The following KDM5A variants were observed in gnomAD, a reference collection of about 807,000 sequenced individuals.
KDM5A encodes the protein lysine-specific demethylase 5A.
A neutral mutation model predicts 193.5 loss-of-function variants in KDM5A; 42 were observed. The ratio of observed to expected loss-of-function variants is 0.22; its 90% CI spans 0.17 to 0.28. The LOEUF is 0.28. KDM5A is among the 10% of genes least tolerant of loss of function. KDM5A has a pLI of 1.00. For synonymous variants in KDM5A, 796 were observed against 718.1 expected (o/e 1.11, Z -1.73); for missense variants, 1,692 against 2,055.1 (o/e 0.82, Z 3.42).
At chr12:343,711 T>C (rs1229608743) in intron 10 of KDM5A, among the ~76,000 whole-genome samples, 1 of 152,132 alleles carries the variant, frequency 6.6e-6, no homozygotes, top group Non-Finnish European at 1.5e-5. Flanking sequence ...CAGAAAGGAA[T>C]AGTATCAACA....
chr12:388,476 T>A, intron 1 of KDM5A: 2 of 374,684 alleles, frequency 5.3e-6, no homozygotes, highest in Non-Finnish European at 1.0e-5. Flanking sequence ...AGTAATACCA[T>A]CCGGTGAGAC....
At chr12:349,811 T>C (rs902256739) in intron 10 of KDM5A, among the ~76,000 whole-genome samples, 34 of 152,006 alleles carry the variant, frequency 2.2e-4, no homozygotes, top group Non-Finnish European at 5.0e-4. Context: ...GTGTGAGTCA[T>C]TGCACTCAGC....
chr12:388,161 A>C (rs1944668874), intron 1 of KDM5A: 2 of 383,938 alleles, frequency 5.2e-6, no homozygotes, highest in African/African-American at 2.1e-5. Context: ...AACACCTTTG[A>C]CCTTGAGTAA....
intron 20 of KDM5A, among the ~76,000 whole-genome samples, chr12:311,935 G>A (rs1248506137): frequency 6.6e-6 from 1 of 152,192 alleles, no homozygotes; most frequent in East Asian, 1.9e-4. Flanking sequence ...TTGGGAAGCT[G>A]AGGCAGGAGA....
At chr12:368,281 T>C (rs531432624) in intron 3 of KDM5A, among the ~76,000 whole-genome samples, 5 of 152,188 alleles carry the variant, frequency 3.3e-5, no homozygotes, top group East Asian at 1.9e-4. Context: ...TGGAACTATA[T>C]AGTGGTGATA....
intron 24 of KDM5A, among the ~76,000 whole-genome samples, chr12:298,056 T>C (rs758378084): frequency 2.5e-4 from 38 of 152,176 alleles, no homozygotes; most frequent in Non-Finnish European, 4.9e-4. Flanking sequence ...CAGGGACTTA[T>C]AGATAAAACC....
chr12:388,186 G>A (rs1944669753), intron 1 of KDM5A: 1 of 419,038 alleles, frequency 2.4e-6, no homozygotes, highest in African/African-American at 2.1e-5. Flanking sequence ...TCAACCTCTT[G>A]GGGCATTAAT....
intron 3 of KDM5A, among the ~76,000 whole-genome samples, chr12:374,558 A>G (rs965114475): frequency 9.2e-5 from 14 of 152,186 alleles, no homozygotes; most frequent in Non-Finnish European, 1.8e-4. Context: ...TAACTGGAGC[A>G]TTTAGCCCAT....
rs1480483254 is a variant in KDM5A at position 385,812 on chromosome 12, G to A, written c.243+85C>T. On this transcript the variant is annotated intron_variant, in intron 2 of 27. Transcript: ENST00000399788. ...CCAATTAACACAAACTCTAGGCTGT[G>A]GTACATGAGCTTCTCAAAGTTCTCT... The A allele has an allele frequency of 3.2e-6, 3 of 948,642 alleles. No homozygotes were observed. In the African/African-American group the frequency reaches 4.8e-5, roughly 15 times the overall value. 58.8% of individuals were successfully genotyped at this position (948,642 alleles called of 1,614,324 possible).
At chr12:316,429 G>C (rs1943651396) in intron 19 of KDM5A, among the ~76,000 whole-genome samples, 1 of 151,992 alleles carries the variant, frequency 6.6e-6, no homozygotes, top group East Asian at 1.9e-4. Flanking sequence ...CAAATATCAA[G>C]GTAAAATATA....
At chr12:330,222 T>TG (rs1943849312) in intron 13 of KDM5A, among the ~76,000 whole-genome samples, 1 of 152,016 alleles carries the variant, frequency 6.6e-6, no homozygotes, top group African/African-American at 2.4e-5. Flanking sequence ...AATCATACTG[T>TG]GGGATTTGCA....
At chr12:345,249 G>A (rs11062512) in intron 10 of KDM5A, among the ~76,000 whole-genome samples, 44,960 of 151,934 alleles carry the variant, frequency 0.3, 6,860 homozygotes, top group East Asian at 0.51. Context: ...CCCAATACAG[G>A]AGCACCCAGA....
At chr12:375,537 G>A (rs1170589751) in intron 3 of KDM5A, among the ~76,000 whole-genome samples, 4 of 152,098 alleles carry the variant, frequency 2.6e-5, no homozygotes, top group Admixed American at 1.3e-4. Context: ...CCTTTAGCTC[G>A]GAGAAGTCTG....
rs147730101 is a variant in KDM5A, at chr12:335,679, G to A, written c.1309-1257C>T. On this transcript the variant is annotated intron_variant, in intron 10 of 27. Coordinates refer to ENST00000399788, the MANE Select transcript of KDM5A (RefSeq NM_001042603.3). The stretch of plus-strand genomic sequence containing the variant: ...GCTAAAGAGAATTTGTGAACTAGAA[G>A]ACATGTTTGAGGAGATTATCTATAA... Among the ~76,000 whole-genome samples the A allele has an allele frequency of 7.4e-3, 1,130 of 152,258 alleles. 8 individuals are homozygous for A. The highest frequency in any genetic ancestry group is 0.025 in the African/African-American group (1,043 of 41,522).
At chr12:380,534 G>C (rs1164257877) in intron 3 of KDM5A, among the ~76,000 whole-genome samples, 9 of 151,990 alleles carry the variant, frequency 5.9e-5, no homozygotes, top group Admixed American at 5.9e-4. Flanking sequence ...TGGCCAACAT[G>C]GTAAAAACCC....
At chr12:334,176 C>A in intron 11 of KDM5A, 65 bp downstream of exon 11, 1 of 1,405,022 alleles carries the variant, frequency 7.1e-7, no homozygotes, top group Non-Finnish European at 1.0e-6. Context: ...GATCAAAAAC[C>A]TAGCATCATT....
Position 311,014 on chromosome 12 carries a change from T to C in KDM5A, c.3087A>G (p.Lys1029=). 6.2e-7 allele frequency: 1 copy of C among 1,614,222 alleles called. No homozygotes were observed. Among genetic ancestry groups the C allele is most frequent in the Non-Finnish European group, 8.5e-7 (1 of 1,180,026 alleles). The change falls in exon 21 of 28, where the codon AAA becomes AAG. Residue 1029 remains lysine (K), a synonymous_variant. Transcript: ENST00000399788. Reference sequence around the variant, plus strand: ...CAAGACGCACAGGAATAGGGCGTCCTTTCGCAGACAAGCTCTCAAGCTGCT... The same window carrying C: ...CAAGACGCACAGGAATAGGGCGTCCCTTCGCAGACAAGCTCTCAAGCTGCT... ...YLEQLESLSA[K]GRPIPVRLEA... is the part of the protein sequence containing the mutation.
intron 10 of KDM5A, among the ~76,000 whole-genome samples, chr12:347,173 G>C (rs1021003179): frequency 5.9e-5 from 9 of 152,086 alleles, no homozygotes; most frequent in Non-Finnish European, 1.0e-4. Context: ...TTGCTACAAA[G>C]AGAATAAAAC....
At chr12:297,433 A>G (rs1022745947) in intron 24 of KDM5A, among the ~76,000 whole-genome samples, 6 of 152,224 alleles carry the variant, frequency 3.9e-5, no homozygotes, top group African/African-American at 1.2e-4. Flanking sequence ...ACACATTACT[A>G]TAATTCTGAT....
Sources: allele counts gnomAD v4.1 joint callset (sites outside exome capture counted in the v4.1 genomes callset), GRCh38; gene constraint gnomAD v4.1.1; transcripts MANE v1.5; gene names NCBI Gene and HGNC (gene_info 2026-07-23, HGNC 2026-07-21).